The following DEFB119 variants were observed in gnomAD, a reference collection of about 807,000 sequenced individuals.
The protein encoded by DEFB119 is defensin beta 119.
DEFB119 carries 3 observed loss-of-function variants against 2.5 expected under a neutral mutation model. That is an observed-to-expected ratio of 1.19 (90% confidence interval 0.54 to 3.07). DEFB119 has a LOEUF of 3.07. Among genes scored for constraint, DEFB119 ranks in the 30% most tolerant of loss-of-function variants. DEFB119 has a pLI of 0.03. For synonymous variants in DEFB119, 29 were observed against 33.7 expected, an observed-to-expected ratio of 0.86 and a Z score of 0.48; for missense variants, 113 against 101.1, an observed-to-expected ratio of 1.12 and a Z score of -0.50.
chr20:31,388,006 C>T (rs1245518801), intron 1 of DEFB119: 2 of 949,444 alleles, frequency 2.1e-6, no homozygotes, highest in Non-Finnish European at 1.3e-6. Context: ...CATGCTTTAC[C>T]GAGCACTCTT....
At chr20:31,380,104 T>C in intron 1 of DEFB119, among the ~76,000 whole-genome samples, 1 of 152,228 alleles carries the variant, frequency 6.6e-6, no homozygotes, top group East Asian at 1.9e-4. Flanking sequence ...AGAGTGAAAG[T>C]TTAAAATTTT....
chr20:31,379,235 T>C (rs986870306), intron 1 of DEFB119, among the ~76,000 whole-genome samples: 1 of 152,140 alleles, frequency 6.6e-6, no homozygotes, highest in Non-Finnish European at 1.5e-5. Context: ...ATTTTTTTAA[T>C]TTGTCGGAAG....
At chr20:31,378,214 A>G in intron 1 of DEFB119, 1 of 1,356,214 alleles carries the variant, frequency 7.4e-7, no homozygotes, top group South Asian at 1.3e-5. Context: ...GTGCAGAGTC[A>G]AGACTTTCAC....
intron 1 of DEFB119, among the ~76,000 whole-genome samples, chr20:31,377,928 A>G (rs941149392): frequency 6.6e-6 from 1 of 152,226 alleles, no homozygotes; most frequent in Non-Finnish European, 1.5e-5. Context: ...AGGAAAAACC[A>G]AAGACAAAAC....
intron 1 of DEFB119, among the ~76,000 whole-genome samples, chr20:31,384,381 A>C (rs1986612268): frequency 6.6e-6 from 1 of 152,214 alleles, no homozygotes; most frequent in African/African-American, 2.4e-5. Context: ...AAATTCCTGT[A>C]TCAAACTATT....
At chr20:31,387,942 AAT>A (rs778040721) in intron 1 of DEFB119, 16 of 638,598 alleles carry the variant, frequency 2.5e-5, no homozygotes, top group Non-Finnish European at 2.9e-5. Flanking sequence ...GCTGAGAGCA[AAT>A]AGTCTTCCTG....
At chr20:31,388,980 T>C in intron 1 of DEFB119, 1 of 1,601,148 alleles carries the variant, frequency 6.2e-7, no homozygotes, top group Non-Finnish European at 8.5e-7. Context: ...AATTTGTGAG[T>C]TTTAATGAAA....
chr20:31,377,939 T>C (rs1986361278), intron 1 of DEFB119, among the ~76,000 whole-genome samples: 1 of 152,102 alleles, frequency 6.6e-6, no homozygotes, highest in Admixed American at 6.5e-5. Flanking sequence ...AAGACAAAAC[T>C]ACACTCCCAC....
chr20:31,388,954 A>G (rs73108004), intron 1 of DEFB119: 337 of 1,562,414 alleles, frequency 2.2e-4, no homozygotes, highest in Non-Finnish European at 2.7e-4. Flanking sequence ...CTTATGATTG[A>G]CAGACACCAG....
chr20:31,386,362 G>A (rs1033759416), intron 1 of DEFB119, among the ~76,000 whole-genome samples: 48 of 152,124 alleles, frequency 3.2e-4, no homozygotes, highest in African/African-American at 1.1e-3. Flanking sequence ...GCAAAACTGT[G>A]AAAAGATTAT....
intron 1 of DEFB119, among the ~76,000 whole-genome samples, chr20:31,380,484 T>C (rs1986467838): frequency 6.6e-6 from 1 of 152,134 alleles, no homozygotes; most frequent in Non-Finnish European, 1.5e-5. Flanking sequence ...CAGGCTGGTC[T>C]GGAATTCCTG....
In DEFB119 at chr20:31,384,474, C is replaced by T. The variant is rs376557797; in HGVS notation, c.61+5949G>A. ...AACTTTTAAGATAAAAAAAATTCAC[C>T]GAAAACAAAAAAGTAAACTATAAGA... On this transcript the variant is annotated intron_variant, in intron 1 of 1. Coordinates refer to ENST00000376321, the MANE Select transcript of DEFB119 (RefSeq NM_153289.4). 6.6e-5 allele frequency among the ~76,000 whole-genome samples: 10 copies of T among 151,202 alleles called. No homozygotes were observed. The South Asian group carries it at 8.5e-4, about 13-fold the overall frequency.
chr20:31,388,824 T>C, intron 1 of DEFB119: 1 of 943,578 alleles, frequency 1.1e-6, no homozygotes, highest in East Asian at 2.7e-5. Flanking sequence ...AGATGGGGAA[T>C]CATCTTCAAG....
In DEFB119 at chr20:31,380,027, G is replaced by T. The variant is rs1054271432; in HGVS notation, c.62-2588C>A. Among the ~76,000 whole-genome samples, 3 of 152,054 alleles carry T rather than the reference G, an allele frequency of 2.0e-5. 1 individual carries two copies. The highest frequency in any genetic ancestry group is 1.5e-5 in the Non-Finnish European group (1 of 67,994). ...GATACAAGTTCTTTGTCAGATATAT[G>T]GTTTGAAAATAATCTTGCCCTGTTG... On this transcript the variant is annotated intron_variant, in intron 1 of 1. Transcript: ENST00000376321.
chr20:31,382,611 C>T (rs1291013568), intron 1 of DEFB119, among the ~76,000 whole-genome samples: 19 of 152,370 alleles, frequency 1.2e-4, no homozygotes, highest in African/African-American at 4.3e-4. Context: ...GTAGACCTAA[C>T]ACAGTGGTCC....
intron 1 of DEFB119, among the ~76,000 whole-genome samples, chr20:31,380,084 GGT>G: frequency 6.6e-6 from 1 of 152,104 alleles, no homozygotes; most frequent in South Asian, 2.1e-4. Context: ...CTCTTCACAG[GGT>G]GTTTCACAGA....
intron 1 of DEFB119, among the ~76,000 whole-genome samples, chr20:31,378,683 A>T (rs1285867682): frequency 6.6e-6 from 1 of 152,088 alleles, no homozygotes; most frequent in Non-Finnish European, 1.5e-5. Flanking sequence ...TTCCAGGTCT[A>T]TTAGGAGTTG....
Position 31,390,573 on chromosome 20 carries a change from A to C in DEFB119, c.-90T>G. 1 of 1,287,242 alleles carries C rather than the reference A, an allele frequency of 7.8e-7. No individual in the cohort carries two copies. Among genetic ancestry groups the C allele is most frequent in the Non-Finnish European group, 1.1e-6 (1 of 899,118 alleles). 79.7% of individuals were successfully genotyped at this position (1,287,242 alleles called of 1,614,324 possible). On this transcript the variant is annotated 5_prime_UTR_variant, in exon 1 of 2. Coordinates refer to ENST00000376321, the MANE Select transcript of DEFB119 (RefSeq NM_153289.4). ...CACGGCAGAGATGAGCTTTGCTTTTATCAGCAGGGCTGTGGGCAGTGAATT... is the reference window on the plus strand; with the variant it reads ...CACGGCAGAGATGAGCTTTGCTTTTCTCAGCAGGGCTGTGGGCAGTGAATT...
intron 1 of DEFB119, among the ~76,000 whole-genome samples, chr20:31,389,729 C>G (rs751443930): frequency 1.3e-5 from 2 of 152,080 alleles, no homozygotes; most frequent in African/African-American, 2.4e-5. Flanking sequence ...TAACCCAATT[C>G]AAACTCAAAC....
Sources: allele counts gnomAD v4.1 joint callset (sites outside exome capture counted in the v4.1 genomes callset), GRCh38; gene constraint gnomAD v4.1.1; transcripts MANE v1.5; gene names NCBI Gene and HGNC (gene_info 2026-07-23, HGNC 2026-07-21).